Variants in IL1RL2 observed in about 807,000 individuals in gnomAD.
IL1RL2 encodes interleukin 1 receptor like 2.
Under a neutral mutation model 66.8 loss-of-function variants are expected in IL1RL2, and 68 were observed. The ratio of observed to expected loss-of-function variants is 1.02; its 90% CI spans 0.84 to 1.25. The LOEUF is 1.25. IL1RL2 is among the 50% of genes most tolerant of loss of function. The pLI, the probability that IL1RL2 is intolerant of heterozygous loss-of-function variation, is 0.00. For synonymous variants in IL1RL2, 305 were observed against 264.6 expected, an observed-to-expected ratio of 1.15 and a Z score of -1.48; for missense variants, 729 against 709.3, an observed-to-expected ratio of 1.03 and a Z score of -0.32.
At chr2:102,234,488 A>T (rs967554284) in intron 10 of IL1RL2, among the ~76,000 whole-genome samples, 15 of 152,212 alleles carry the variant, frequency 9.9e-5, no homozygotes, top group African/African-American at 3.4e-4. Flanking sequence ...TGACTAAGTC[A>T]TGTTTATTTT....
At chr2:102,200,004 C>CA (rs1379808449) in intron 4 of IL1RL2, among the ~76,000 whole-genome samples, 2 of 147,606 alleles carry the variant, frequency 1.4e-5, no homozygotes, top group African/African-American at 5.0e-5. Context: ...ACTAAAAAAA[C>CA]AAAAAATTGG....
intron 11 of IL1RL2, among the ~76,000 whole-genome samples, chr2:102,237,595 G>A (rs35917236): frequency 0.014 from 2,089 of 152,186 alleles, 55 homozygotes; most frequent in African/African-American, 0.048. Flanking sequence ...TTAAACTAGC[G>A]AATCCTCCAT....
chr2:102,213,133 AC>A (rs1689322300), intron 6 of IL1RL2, among the ~76,000 whole-genome samples: 1 of 152,250 alleles, frequency 6.6e-6, no homozygotes, highest in Admixed American at 6.5e-5. Context: ...TCTCAGAAAT[AC>A]AATACAACAA....
chr2:102,204,116 C>T (rs917137910), intron 5 of IL1RL2, among the ~76,000 whole-genome samples: 1 of 152,014 alleles, frequency 6.6e-6, no homozygotes, highest in Admixed American at 6.6e-5. Context: ...TTTTCAGTTT[C>T]CTTCTTAATT....
At chr2:102,194,414 C>T (rs1249292360) in intron 4 of IL1RL2, among the ~76,000 whole-genome samples, 1 of 152,104 alleles carries the variant, frequency 6.6e-6, no homozygotes, top group Non-Finnish European at 1.5e-5. Flanking sequence ...GAACACTTTC[C>T]TCACTTATGA....
At chr2:102,234,476 CCTGA>C (rs1465645698) in intron 10 of IL1RL2, among the ~76,000 whole-genome samples, 14 of 152,140 alleles carry the variant, frequency 9.2e-5, no homozygotes, top group African/African-American at 2.4e-5. Flanking sequence ...TTAATCCATT[CCTGA>C]CTAAGTCATG....
intron 11 of IL1RL2, among the ~76,000 whole-genome samples, chr2:102,238,982 G>T (rs1675104824): frequency 6.6e-6 from 1 of 152,162 alleles, no homozygotes; most frequent in South Asian, 2.1e-4. Flanking sequence ...GGCTCTTATA[G>T]GAAAGGTGAG....
chr2:102,234,932 T>TG lies in IL1RL2; in HGVS notation c.1334dup (p.Cys445TrpfsTer43), dbSNP rs754655759. The stretch of plus-strand genomic sequence containing the variant: ...TGTCATCGATGAAAACGTTAAGCTG[T>TG]GCAGGAGGCTGATTGTCATTGTGGT... On this transcript the variant is annotated frameshift_variant, in exon 11 of 12. Coordinates refer to ENST00000264257, the MANE Select transcript of IL1RL2 (RefSeq NM_003854.4). LOFTEE classifies it high-confidence loss of function. The TG allele has an allele frequency of 6.2e-7, 1 of 1,614,228 alleles. No homozygotes were observed. The highest frequency in any genetic ancestry group is 1.1e-5 in the South Asian group (1 of 91,084).
At chr2:102,187,828 C>G in intron 1 of IL1RL2, 28 bp from the exon 2 acceptor site, 1 of 1,605,930 alleles carries the variant, frequency 6.2e-7, no homozygotes, top group Non-Finnish European at 8.5e-7. Context: ...GCGTCCTCCC[C>G]TCCCACCCTC....
chr2:102,232,753 A>G (rs1691247297), intron 9 of IL1RL2, among the ~76,000 whole-genome samples: 1 of 152,120 alleles, frequency 6.6e-6, no homozygotes, highest in Non-Finnish European at 1.5e-5. Context: ...ACTCTTGAGC[A>G]TTGGGGATAA....
rs2104914243 is a variant in IL1RL2, at chr2:102,239,309, C to T, written c.*68C>T. On this transcript the variant is annotated 3_prime_UTR_variant, in exon 12 of 12. Transcript: ENST00000264257. ...TGCTCCATGTCTCCTCATTCCTACA[C>T]CTATTTTCTGCTGCAGGATGAGGCT... 1.4e-6 allele frequency: 2 copies of T among 1,432,738 alleles called. No homozygotes were observed. Among genetic ancestry groups the T allele is most frequent in the South Asian group, 1.1e-5 (1 of 87,288 alleles). The allele number at this position is 1,432,738 out of a possible 1,614,324, so 88.8% of individuals were successfully genotyped here. A position where few individuals can be genotyped will look rare whatever the true frequency, so the allele number is the denominator to read the frequency against.
At chr2:102,234,813 G>T in intron 10 of IL1RL2, 84 bp from the exon 11 acceptor site, 1 of 1,292,650 alleles carries the variant, frequency 7.7e-7, no homozygotes, top group Non-Finnish European at 1.1e-6. Flanking sequence ...TTTTCTCCTG[G>T]CCTGTTTCAA....
At chr2:102,189,703 C>T (rs1458646228) in intron 3 of IL1RL2, among the ~76,000 whole-genome samples, 2 of 152,176 alleles carry the variant, frequency 1.3e-5, no homozygotes, top group Non-Finnish European at 1.5e-5. Flanking sequence ...CTGCAACCTC[C>T]GCCTCCCAGG....
At chr2:102,242,328 C>A (rs537447353), downstream of IL1RL2, among the ~76,000 whole-genome samples, 1 of 152,048 alleles carries the variant, frequency 6.6e-6, no homozygotes, top group African/African-American at 2.4e-5. Context: ...TTATGAATTG[C>A]GTTAGTCAGG....
chr2:102,206,634 C>A (rs1029162771), intron 5 of IL1RL2, among the ~76,000 whole-genome samples: 2 of 152,220 alleles, frequency 1.3e-5, no homozygotes, highest in Non-Finnish European at 2.9e-5. Flanking sequence ...TGGAGTGACA[C>A]AGGCACCACT....
chr2:102,242,513 G>T (rs904501944), downstream of IL1RL2, among the ~76,000 whole-genome samples: 1 of 152,186 alleles, frequency 6.6e-6, no homozygotes, highest in South Asian at 2.1e-4. Context: ...AACCAGTGGC[G>T]CTGATGATAT....
chr2:102,206,151 G>A (rs943837322), intron 5 of IL1RL2, among the ~76,000 whole-genome samples: 2 of 151,994 alleles, frequency 1.3e-5, no homozygotes, highest in Non-Finnish European at 2.9e-5. Context: ...CCTTTTCTAT[G>A]TTATCTTGAA....
chr2:102,229,672 T>G (rs1210351168), intron 9 of IL1RL2, among the ~76,000 whole-genome samples: 1 of 152,230 alleles, frequency 6.6e-6, no homozygotes, highest in Non-Finnish European at 1.5e-5. Flanking sequence ...AATTATGAAT[T>G]AGTCATTTGA....
intron 8 of IL1RL2, among the ~76,000 whole-genome samples, chr2:102,220,395 A>G (rs997983278): frequency 1.3e-5 from 2 of 152,232 alleles, no homozygotes; most frequent in Non-Finnish European, 2.9e-5. Context: ...TATTTTTACC[A>G]TGGAACTTTG....
Sources: gnomAD v4.1 joint callset for allele counts (sites outside exome capture counted in the v4.1 genomes callset) on GRCh38, gnomAD v4.1.1 for gene constraint, MANE v1.5 for transcripts, NCBI Gene and HGNC (gene_info 2026-07-23, HGNC 2026-07-21) for gene names.